The following VPS39 variants were observed in gnomAD, a reference collection of about 807,000 sequenced individuals.
The protein encoded by VPS39 is VPS39 subunit of HOPS complex, also known as vam6/Vps39-like protein.
In VPS39, 70 loss-of-function variants were observed where a neutral mutation model predicts 121.0. The ratio of observed to expected loss-of-function variants is 0.58; its 90% CI spans 0.48 to 0.71. VPS39 has a LOEUF of 0.71. Ranked by LOEUF, VPS39 falls within the 30% of genes least tolerant of loss-of-function variation. The pLI, the probability that VPS39 is intolerant of heterozygous loss-of-function variation, is 0.00. For synonymous variants in VPS39, 378 were observed against 398.1 expected (o/e 0.95, Z 0.60); for missense variants, 818 against 1,051.5 (o/e 0.78, Z 3.07).
chr15:42,208,157 G>C lies in VPS39; in HGVS notation c.-4C>G. 6.4e-7 allele frequency: 1 copy of C among 1,567,772 alleles called. No homozygotes were observed. The highest frequency in any genetic ancestry group is 8.6e-7 in the Non-Finnish European group (1 of 1,156,348). On this transcript the variant is annotated 5_prime_UTR_variant, in exon 1 of 25. Transcript: ENST00000318006. ...CTGGCTCGAAAGCGTCGTGCATGGC[G>C]GCAAGGGGAGAGTTGCCACCGCCGT...
At chr15:42,189,093 T>C (rs539445428) in intron 5 of VPS39, 21 bp downstream of exon 5, 1 of 1,590,950 alleles carries the variant, frequency 6.3e-7, no homozygotes, top group African/African-American at 1.3e-5. Flanking sequence ...TAAAGCCAAA[T>C]TTCATCTTGG....
chr15:42,179,681 G>A (rs2620377), intron 8 of VPS39, among the ~76,000 whole-genome samples: 46,918 of 151,114 alleles, frequency 0.31, 11,231 homozygotes, highest in African/African-American at 0.65. Context: ...GGCAAATTCT[G>A]TTTTCCCTAA....
intron 2 of VPS39, 73 bp from the exon 3 acceptor site, chr15:42,191,633 T>C: frequency 8.3e-7 from 1 of 1,206,218 alleles, no homozygotes; most frequent in Non-Finnish European, 1.2e-6. Context: ...AGAAAAATAC[T>C]GCTCCATACT....
Position 42,208,133 on chromosome 15 carries a change from T to A in VPS39, c.21A>T (p.Pro7=). The A allele has an allele frequency of 6.3e-7, 1 of 1,580,058 alleles. No homozygotes were observed. The highest frequency in any genetic ancestry group is 8.6e-7 in the Non-Finnish European group (1 of 1,162,712). The change falls in exon 1 of 25, where the codon CCA becomes CCT. Residue 7 remains proline, a synonymous_variant. Coordinates refer to ENST00000318006, the MANE Select transcript of VPS39 (RefSeq NM_015289.5). ...GAGGCAGCTTTTCTAGGATCGGCAC[T>A]GGCTCGAAAGCGTCGTGCATGGCGG... MHDAFE[P]VPILEKLPLQ...
chr15:42,178,294 A>C lies in VPS39; in HGVS notation c.884T>G (p.Leu295Arg), dbSNP rs371541163. ...TTGGGTTGCCATGGGGACAGGGATGAGTCTCCAAACAAAATGATTGCTGGC... is the reference window on the plus strand; with the variant it reads ...TTGGGTTGCCATGGGGACAGGGATGCGTCTCCAAACAAAATGATTGCTGGC... ...YVASNHFVWR[L>R]IPVPMATQIQ... Residue 295 changes from leucine (L) to arginine (R), a missense_variant, in exon 10 of 25, where the codon CTC becomes CGC. Leu to Arg is a moderately radical substitution (Grantham distance 102). Transcript: ENST00000318006. 2 of 1,614,084 alleles carry C rather than the reference A, an allele frequency of 1.2e-6. No individual in the cohort carries two copies. The highest frequency in any genetic ancestry group is 1.7e-6 in the Non-Finnish European group (2 of 1,180,048).
chr15:42,163,854 G>A, intron 19 of VPS39, 126 bp from the exon 20 acceptor site: 1 of 672,524 alleles, frequency 1.5e-6, no homozygotes, highest in South Asian at 2.1e-5. Flanking sequence ...TATTGCTTGG[G>A]TTTTTCTTCA....
intron 1 of VPS39, 42 bp from the exon 2 acceptor site, chr15:42,200,003 C>A (rs767959753): frequency 5.9e-6 from 9 of 1,524,784 alleles, no homozygotes; most frequent in African/African-American, 3.0e-5. Context: ...CAAAAAAAAA[C>A]CAGCTTTGAG....
Position 42,160,690 on chromosome 15 carries a change from G to T in VPS39, c.*64C>A. Reference sequence around the variant, plus strand: ...GTGGCAGCCAGGATTCCTAAGGCCAGGTGCTCCTTCACCTCTCTGGGAGAG... The same window carrying T: ...GTGGCAGCCAGGATTCCTAAGGCCATGTGCTCCTTCACCTCTCTGGGAGAG... On this transcript the variant is annotated 3_prime_UTR_variant, in exon 25 of 25. Coordinates refer to ENST00000318006, the MANE Select transcript of VPS39 (RefSeq NM_015289.5). 6.8e-7 allele frequency: 1 copy of T among 1,472,546 alleles called. No homozygotes were observed. The highest frequency in any genetic ancestry group is 1.1e-5 in the South Asian group (1 of 88,116). 91.2% of individuals were successfully genotyped at this position (1,472,546 alleles called of 1,614,324 possible). A position where few individuals can be genotyped will look rare whatever the true frequency, so the allele number is the denominator to read the frequency against.
rs1056655330 is a variant in VPS39 at position 42,165,174 on chromosome 15, C to T, written c.1780-61G>A. 9 of 1,527,292 alleles carry T rather than the reference C, an allele frequency of 5.9e-6. No homozygotes were observed. In the African/African-American group the frequency reaches 1.2e-4, roughly 21 times the overall value. The allele number at this position is 1,527,292 out of a possible 1,614,324, so 94.6% of individuals were successfully genotyped here. On this transcript the variant is annotated intron_variant, in intron 17 of 24. Transcript: ENST00000318006. Reference sequence around the variant, plus strand: ...TCCAGGCTGTGACCTGGTCTCCCAGCCTCCCTCACATTTTTAAGGCCCAAC... The same window carrying T: ...TCCAGGCTGTGACCTGGTCTCCCAGTCTCCCTCACATTTTTAAGGCCCAAC...
chr15:42,162,249 G>A, intron 22 of VPS39, 83 bp from the exon 23 acceptor site: 1 of 1,604,582 alleles, frequency 6.2e-7, no homozygotes, highest in Non-Finnish European at 8.5e-7. Context: ...GGAGCTCTTG[G>A]ACCCTAGTCC....
At chr15:42,178,772 G>A (rs1595660160) in intron 8 of VPS39, 1 of 655,372 alleles carries the variant, frequency 1.5e-6, no homozygotes. Context: ...AGAGGTTGAG[G>A]TGGGAAGGTC....
intron 7 of VPS39, among the ~76,000 whole-genome samples, chr15:42,185,562 T>C (rs754727841): frequency 2.6e-5 from 4 of 152,160 alleles, no homozygotes; most frequent in Non-Finnish European, 5.9e-5. Context: ...TGAGAAAGAA[T>C]AAACTATTAA....
chr15:42,181,073 G>A (rs1019365093), intron 8 of VPS39, among the ~76,000 whole-genome samples: 14 of 152,150 alleles, frequency 9.2e-5, no homozygotes, highest in African/African-American at 2.9e-4. Context: ...GCACACACAT[G>A]TTCGTAGCAG....
At position 42,163,470 on chromosome 15, in the gene VPS39, G is replaced by A. The variant is rs2049179430; in HGVS notation, c.2130-75C>T. On this transcript the variant is annotated intron_variant, in intron 20 of 24. Transcript: ENST00000318006. Reference sequence around the variant, plus strand: ...AAATGAGAGGCTGTGCGTGCAGCCTGCTCGAGCAGCCTAACCACAGCCAAA... The same window carrying A: ...AAATGAGAGGCTGTGCGTGCAGCCTACTCGAGCAGCCTAACCACAGCCAAA... 6.3e-6 allele frequency: 10 copies of A among 1,588,760 alleles called. No homozygotes were observed. The South Asian group carries it at 1.1e-4, about 18-fold the overall frequency.
At position 42,162,103 on chromosome 15, in the gene VPS39, A is replaced by C. The variant is rs1433380972; in HGVS notation, c.2389T>G (p.Leu797Val). The C allele has an allele frequency of 6.2e-7, 1 of 1,614,104 alleles. No individual in the cohort carries two copies. Among genetic ancestry groups the C allele is most frequent in the Admixed American group, 1.7e-5 (1 of 60,012 alleles). Residue 797 changes from leucine (L) to valine (V), a missense_variant, in exon 23 of 25, where the codon TTG becomes GTG. Coordinates refer to ENST00000318006, the MANE Select transcript of VPS39 (RefSeq NM_015289.5). Reference sequence around the variant, plus strand: ...CGTTTCTTTTGTGCATTTTCTTCCAAGACCTTTTCCAGGAAGATGCGTATG... The same window carrying C: ...CGTTTCTTTTGTGCATTTTCTTCCACGACCTTTTCCAGGAAGATGCGTATG... Reference protein sequence around the residue: ...NDIRIFLEKVLEENAQKKRFN... With the variant: ...NDIRIFLEKVVEENAQKKRFN...
intron 24 of VPS39, 97 bp downstream of exon 24, chr15:42,161,582 TCTC>T (rs771883020): frequency 5.0e-6 from 6 of 1,208,888 alleles, no homozygotes; most frequent in Non-Finnish European, 7.4e-6. Context: ...GCAGCCATGT[TCTC>T]CTTCTCTGTT....
intron 11 of VPS39, among the ~76,000 whole-genome samples, chr15:42,171,973 G>A (rs371773678): frequency 6.6e-6 from 1 of 152,302 alleles, no homozygotes; most frequent in East Asian, 1.9e-4. Flanking sequence ...GTCAGACCAT[G>A]ACCTAATCCT....
At chr15:42,177,962 C>T (rs995933002) in intron 10 of VPS39, among the ~76,000 whole-genome samples, 4 of 152,204 alleles carry the variant, frequency 2.6e-5, no homozygotes, top group Non-Finnish European at 5.9e-5. Context: ...CCACTGCTCC[C>T]GGACTCTCAC....
chr15:42,163,634 C>A lies in VPS39; in HGVS notation c.2121G>T (p.Met707Ile), dbSNP rs74753964. 9.0e-4 allele frequency: 1,454 copies of A among 1,613,536 alleles called. 23 individuals are homozygous for A. The East Asian group carries it at 0.027, about 30-fold the overall frequency. Residue 707 changes from methionine to isoleucine, a missense_variant, in exon 20 of 25, where the codon ATG (methionine) becomes ATT (isoleucine). Coordinates refer to ENST00000318006, the MANE Select transcript of VPS39 (RefSeq NM_015289.5). ...TGTTGGGGCAAACTTACTCCTCAGCCATCCTTGTATCCTTCAAGATGTGGA... is the reference window on the plus strand; with the variant it reads ...TGTTGGGGCAAACTTACTCCTCAGCAATCCTTGTATCCTTCAAGATGTGGA... ...IYVHILKDTR[M>I]AEEYCHKHYD...
Sources: allele counts gnomAD v4.1 joint callset (sites outside exome capture counted in the v4.1 genomes callset), GRCh38; gene constraint gnomAD v4.1.1; transcripts MANE v1.5; gene names NCBI Gene and HGNC (gene_info 2026-07-23, HGNC 2026-07-21).